Variants in SLC8A1 observed in about 807,000 individuals in gnomAD.
SLC8A1 encodes solute carrier family 8 member A1.
A neutral mutation model predicts 68.3 loss-of-function variants in SLC8A1; 18 were observed. The observed-to-expected ratio is 0.26, with a 90% confidence interval of 0.18 to 0.39. The LOEUF is 0.39. SLC8A1 is among the 10% of genes least tolerant of loss of function. SLC8A1 has a pLI of 1.00. For missense variants in SLC8A1, 985 were observed against 1,156.7 expected (o/e 0.85, Z 2.15); for synonymous variants, 475 against 415.5 (o/e 1.14, Z -1.74).
intron 2 of SLC8A1, among the ~76,000 whole-genome samples, chr2:40,324,925 G>A (rs1255061878): frequency 1.3e-5 from 2 of 152,114 alleles, no homozygotes; most frequent in Admixed American, 1.3e-4. Context: ...CCAAATGACT[G>A]CAAAGATGAT....
chr2:40,422,618 A>C (rs902310215), intron 2 of SLC8A1, among the ~76,000 whole-genome samples: 8 of 152,182 alleles, frequency 5.3e-5, no homozygotes, highest in Non-Finnish European at 8.8e-5. Flanking sequence ...TCTTGAGAAA[A>C]TGATGTGACA....
At chr2:40,219,500 T>C (rs1206003137) in intron 2 of SLC8A1, among the ~76,000 whole-genome samples, 1 of 152,216 alleles carries the variant, frequency 6.6e-6, no homozygotes, top group African/African-American at 2.4e-5. Context: ...CAACTCAATG[T>C]TGCAGAGAAT....
chr2:40,353,797 C>T (rs979201367), intron 2 of SLC8A1, among the ~76,000 whole-genome samples: 5 of 152,298 alleles, frequency 3.3e-5, no homozygotes, highest in Non-Finnish European at 5.9e-5. Flanking sequence ...GGCAGCGAAG[C>T]GCTCTACCAT....
chr2:40,450,823 T>G (rs928630739), intron 1 of SLC8A1, among the ~76,000 whole-genome samples: 4 of 152,214 alleles, frequency 2.6e-5, no homozygotes, highest in Admixed American at 6.5e-5. Flanking sequence ...AATGACTGCG[T>G]ACAACATGCA....
intron 2 of SLC8A1, among the ~76,000 whole-genome samples, chr2:40,280,811 T>C (rs909117520): frequency 6.6e-6 from 1 of 152,192 alleles, no homozygotes; most frequent in African/African-American, 2.4e-5. Flanking sequence ...CCTGTAACAA[T>C]AGCCAGGCAA....
At chr2:40,294,495 A>C (rs774751653) in intron 2 of SLC8A1, among the ~76,000 whole-genome samples, 12 of 152,068 alleles carry the variant, frequency 7.9e-5, no homozygotes, top group Admixed American at 5.9e-4. Context: ...TACTGATAAA[A>C]CACCTAGGGC....
chr2:40,184,896 A>G (rs1409500906), intron 2 of SLC8A1, among the ~76,000 whole-genome samples: 1 of 60,996 alleles, frequency 1.6e-5, no homozygotes, highest in African/African-American at 6.1e-5. Context: ...ACTAACCAAA[A>G]ACAAAAAAAA....
intron 2 of SLC8A1, among the ~76,000 whole-genome samples, chr2:40,280,647 T>C (rs1404837323): frequency 1.3e-5 from 2 of 152,174 alleles, no homozygotes; most frequent in Non-Finnish European, 2.9e-5. Context: ...TCTGGGGTCT[T>C]ACACTTCAGC....
At chr2:40,263,246 C>G (rs1202955298) in intron 2 of SLC8A1, among the ~76,000 whole-genome samples, 4 of 152,198 alleles carry the variant, frequency 2.6e-5, no homozygotes, top group Non-Finnish European at 5.9e-5. Flanking sequence ...TAATGGCCAA[C>G]TTGTAGAGTT....
chr2:40,296,034 T>C (rs1249616640), intron 2 of SLC8A1, among the ~76,000 whole-genome samples: 1 of 152,174 alleles, frequency 6.6e-6, no homozygotes. Context: ...GTTTATTGTC[T>C]ATAGAGCTTG....
intron 2 of SLC8A1, among the ~76,000 whole-genome samples, chr2:40,345,490 A>G (rs1462277806): frequency 6.6e-6 from 1 of 152,156 alleles, no homozygotes; most frequent in Admixed American, 6.6e-5. Flanking sequence ...TAAGAACATG[A>G]AAGACTCTAC....
Position 40,212,835 on chromosome 2 carries a change from A to G in SLC8A1, c.1809-34980T>C, listed in dbSNP as rs75460708. ...TTGTGCAACAGTGCTGCCTTCTGCT[A>G]TCAGCCACATGTAGACTTAGTTGAG... is the stretch of plus-strand genomic sequence containing the variant. On this transcript the variant is annotated intron_variant, in intron 2 of 7. Transcript: ENST00000406785. Among the ~76,000 whole-genome samples the G allele has an allele frequency of 4.0e-3, 604 of 152,326 alleles. 25 individuals carry two copies. In the East Asian group the frequency reaches 0.085, roughly 22 times the overall value.
chr2:40,363,834 G>C (rs1366850203), intron 2 of SLC8A1, among the ~76,000 whole-genome samples: 3 of 152,026 alleles, frequency 2.0e-5, no homozygotes, highest in Admixed American at 1.3e-4. Context: ...CTTTAAGGCT[G>C]ATTGACTCTG....
intron 2 of SLC8A1, chr2:40,178,407 A>T (rs1368747586): frequency 6.2e-7 from 1 of 1,613,762 alleles, no homozygotes. Flanking sequence ...ACTCATCTCC[A>T]CCAGGCGGGG....
intron 2 of SLC8A1, among the ~76,000 whole-genome samples, chr2:40,348,794 C>A (rs74518573): frequency 2.1e-4 from 32 of 152,132 alleles, no homozygotes; most frequent in Admixed American, 2.1e-3. Flanking sequence ...GGTATTCAGT[C>A]TGGAGGAAAG....
intron 2 of SLC8A1, among the ~76,000 whole-genome samples, chr2:40,420,822 G>C (rs1559611099): frequency 6.6e-6 from 1 of 152,078 alleles, no homozygotes; most frequent in Non-Finnish European, 1.5e-5. Context: ...GCCATTCAAA[G>C]GAAGAAACAG....
chr2:40,439,223 T>G (rs1700041080), intron 1 of SLC8A1, among the ~76,000 whole-genome samples: 1 of 152,102 alleles, frequency 6.6e-6, no homozygotes, highest in Non-Finnish European at 1.5e-5. Context: ...GTGTTTTGTC[T>G]TCTCTAAGAA....
chr2:40,471,966 G>T (rs1704014513), intron 1 of SLC8A1, among the ~76,000 whole-genome samples: 1 of 152,120 alleles, frequency 6.6e-6, no homozygotes, highest in South Asian at 2.1e-4. Context: ...ATCACATTAG[G>T]ATAGAGAACT....
chr2:40,176,178 G>C (rs1050871368), intron 3 of SLC8A1, among the ~76,000 whole-genome samples: 2 of 151,920 alleles, frequency 1.3e-5, no homozygotes, highest in African/African-American at 4.8e-5. Context: ...TTACTTTTTT[G>C]GGCCCAGTTT....
Sources: allele counts gnomAD v4.1 joint callset (sites outside exome capture counted in the v4.1 genomes callset), GRCh38; gene constraint gnomAD v4.1.1; transcripts MANE v1.5; gene names NCBI Gene and HGNC (gene_info 2026-07-23, HGNC 2026-07-21).